Variants in ACCSL observed in about 807,000 individuals in gnomAD.
The protein encoded by ACCSL is probable inactive 1-aminocyclopropane-1-carboxylate synthase-like protein 2.
In ACCSL, 55 loss-of-function variants were observed where a neutral mutation model predicts 61.7. The ratio of observed to expected loss-of-function variants is 0.89; its 90% CI spans 0.72 to 1.12. ACCSL has a LOEUF of 1.12. ACCSL is among the 50% of genes most tolerant of loss of function. The pLI, the probability that ACCSL is intolerant of heterozygous loss-of-function variation, is 0.00. For synonymous variants in ACCSL, 258 were observed against 264.3 expected (o/e 0.98, Z 0.23); for missense variants, 632 against 698.0 (o/e 0.91, Z 1.07).
chr11:44,021,274 A>C, the ACCSL span, among the ~76,000 whole-genome samples: 1 of 152,198 alleles, frequency 6.6e-6, no homozygotes, highest in African/African-American at 2.4e-5. Flanking sequence ...CATCCATGCC[A>C]ACATCTATTA....
At chr11:43,936,789 G>C in the ACCSL span, among the ~76,000 whole-genome samples, 1 of 152,000 alleles carries the variant, frequency 6.6e-6, no homozygotes, top group Non-Finnish European at 1.5e-5. Context: ...ATCCTGAGGT[G>C]GGGGAGTCAT....
At chr11:44,005,327 C>T in the ACCSL span, among the ~76,000 whole-genome samples, 141 of 152,188 alleles carry the variant, frequency 9.3e-4, 5 homozygotes, top group South Asian at 0.023. Flanking sequence ...GTGGGCTGCA[C>T]GTGCAGGCTT....
At chr11:43,955,173 A>C in the ACCSL span, among the ~76,000 whole-genome samples, 1 of 152,138 alleles carries the variant, frequency 6.6e-6, no homozygotes, top group Non-Finnish European at 1.5e-5. Flanking sequence ...AATGGTCCAC[A>C]AAAGTCAATT....
chr11:44,054,488 G>A (rs1316023922), intron 8 of ACCSL, among the ~76,000 whole-genome samples: 3 of 145,924 alleles, frequency 2.1e-5, no homozygotes, highest in Non-Finnish European at 3.0e-5. Context: ...ATGGAGTCTC[G>A]CTCTGTCACC....
chr11:44,004,815 G>A, the ACCSL span, among the ~76,000 whole-genome samples: 16 of 152,272 alleles, frequency 1.1e-4, no homozygotes, highest in Middle Eastern at 3.4e-3. Flanking sequence ...CTGGTCCCAC[G>A]GGACCAGAAT....
the ACCSL span, among the ~76,000 whole-genome samples, chr11:43,927,376 T>C: frequency 6.6e-6 from 1 of 152,226 alleles, no homozygotes. Flanking sequence ...GGGCTTTGAC[T>C]TCATTCAGAC....
chr11:43,983,256 C>A, the ACCSL span, among the ~76,000 whole-genome samples: 1 of 152,054 alleles, frequency 6.6e-6, no homozygotes, highest in Non-Finnish European at 1.5e-5. Context: ...TAAAGGTGCT[C>A]CAGGAAACAG....
At chr11:44,027,094 G>T in the ACCSL span, among the ~76,000 whole-genome samples, 227 of 152,246 alleles carry the variant, frequency 1.5e-3, no homozygotes, top group Non-Finnish European at 2.4e-3. Flanking sequence ...TTAGCTTACT[G>T]GTCTTTTAAT....
chr11:43,949,152 C>T, the ACCSL span, among the ~76,000 whole-genome samples: 2 of 152,210 alleles, frequency 1.3e-5, no homozygotes, highest in South Asian at 2.1e-4. Context: ...CAGATCCTCG[C>T]ACATTTCATC....
rs1250078401 is a variant in ACCSL at position 44,055,277 on chromosome 11, T to G, written c.1125T>G (p.Ile375Met). 6.2e-7 allele frequency: 1 copy of G among 1,612,746 alleles called. No homozygotes were observed. The highest frequency in any genetic ancestry group is 1.1e-5 in the South Asian group (1 of 90,890). Residue 375 changes from isoleucine to methionine, a missense_variant, in exon 9 of 14, where the codon ATT becomes ATG. Ile to Met is a conservative substitution (Grantham distance 10). Coordinates refer to ENST00000378832, the MANE Select transcript of ACCSL (RefSeq NM_001031854.2). ...ATGAATCCATCACATTCCACAGCAT[T>G]CTGAGCATGAAAAGGTGAGCTGGTC... is the stretch of plus-strand genomic sequence containing the variant. ...VFDESITFHS[I>M]LSMKSLPDSN... is the part of the protein sequence containing the mutation.
chr11:43,983,573 G>A, the ACCSL span, among the ~76,000 whole-genome samples: 4 of 152,124 alleles, frequency 2.6e-5, no homozygotes, highest in Non-Finnish European at 4.4e-5. Context: ...TCTAAGGAAC[G>A]CACTGAACAG....
the ACCSL span, among the ~76,000 whole-genome samples, chr11:43,969,382 AT>A: frequency 3.3e-5 from 5 of 152,042 alleles, no homozygotes; most frequent in African/African-American, 1.2e-4. Flanking sequence ...TAATAAAAAA[AT>A]TTTTTAAACA....
At chr11:43,991,575 C>T in the ACCSL span, among the ~76,000 whole-genome samples, 1 of 152,178 alleles carries the variant, frequency 6.6e-6, no homozygotes, top group African/African-American at 2.4e-5. Context: ...GGGCGGATCA[C>T]CTGAGGTCAG....
At chr11:44,045,786 A>T (rs778732349), upstream of ACCSL, among the ~76,000 whole-genome samples, 17 of 152,178 alleles carry the variant, frequency 1.1e-4, no homozygotes, top group Admixed American at 2.0e-4. Context: ...AAATTCTGGG[A>T]CCATGGGCTG....
At chr11:43,948,468 C>T in the ACCSL span, among the ~76,000 whole-genome samples, 1 of 151,876 alleles carries the variant, frequency 6.6e-6, no homozygotes, top group Non-Finnish European at 1.5e-5. Context: ...GGTTGCAACC[C>T]TTTATTTATT....
upstream of ACCSL, among the ~76,000 whole-genome samples, chr11:44,046,343 C>T (rs532982495): frequency 7.4e-4 from 113 of 152,326 alleles, no homozygotes; most frequent in Non-Finnish European, 1.2e-3. Context: ...CTGTCTATTG[C>T]TCCATCTTCC....
At chr11:44,013,534 C>T in the ACCSL span, among the ~76,000 whole-genome samples, 1 of 152,188 alleles carries the variant, frequency 6.6e-6, no homozygotes, top group East Asian at 1.9e-4. Flanking sequence ...CTCAGGTGAT[C>T]CACCCGCCTC....
chr11:44,020,576 T>G, the ACCSL span, among the ~76,000 whole-genome samples: 3 of 152,114 alleles, frequency 2.0e-5, no homozygotes, highest in Non-Finnish European at 4.4e-5. Flanking sequence ...ATGAAGATAA[T>G]CACATGGTTT....
At chr11:43,956,106 A>G in the ACCSL span, among the ~76,000 whole-genome samples, 75 of 147,536 alleles carry the variant, frequency 5.1e-4, 2 homozygotes, top group East Asian at 0.014. Flanking sequence ...AAAAAAAAAA[A>G]AGGAAATGAG....
Sources: allele counts gnomAD v4.1 joint callset (sites outside exome capture counted in the v4.1 genomes callset), GRCh38; gene constraint gnomAD v4.1.1; transcripts MANE v1.5; gene names NCBI Gene and HGNC (gene_info 2026-07-23, HGNC 2026-07-21).